Variants in ULK4 observed in about 807,000 individuals in gnomAD.
ULK4 encodes the protein unc-51 like kinase 4.
In ULK4, 133 loss-of-function variants were observed where a neutral mutation model predicts 160.6. That is an observed-to-expected ratio of 0.83 (90% CI 0.72 to 0.96). The LOEUF (loss-of-function observed/expected upper bound fraction) is 0.96, where lower values mean the gene tolerates loss of function less well. Among genes scored for constraint, ULK4 ranks in the 40% least tolerant of loss-of-function variants. The pLI, the probability that ULK4 is intolerant of heterozygous loss-of-function variation, is 0.00. For missense variants in ULK4, 1,580 were observed against 1,499.5 expected, an observed-to-expected ratio of 1.05 and a Z score of -0.89; for synonymous variants, 534 against 539.8, an observed-to-expected ratio of 0.99 and a Z score of 0.15.
At chr3:41,417,611 G>T (rs9853190) in intron 34 of ULK4, among the ~76,000 whole-genome samples, 1 of 151,938 alleles carries the variant, frequency 6.6e-6, no homozygotes, top group African/African-American at 2.4e-5. Context: ...GCAAACCCTG[G>T]GTGCCTGTTA....
chr3:41,745,897 T>C (rs1482128026), intron 22 of ULK4, among the ~76,000 whole-genome samples: 2 of 151,488 alleles, frequency 1.3e-5, no homozygotes, highest in African/African-American at 4.9e-5. Context: ...CATATTGTTA[T>C]ATTAATTGAT....
chr3:41,523,805 T>C (rs2086016741), intron 32 of ULK4, among the ~76,000 whole-genome samples: 1 of 152,142 alleles, frequency 6.6e-6, no homozygotes, highest in Admixed American at 6.5e-5. Flanking sequence ...AATGAAAACA[T>C]ATCAACACAA....
chr3:41,633,065 G>C (rs1365166149), intron 30 of ULK4, among the ~76,000 whole-genome samples: 1 of 152,192 alleles, frequency 6.6e-6, no homozygotes, highest in African/African-American at 2.4e-5. Flanking sequence ...GAAAGAGCAA[G>C]TTTATTACAT....
chr3:41,248,441 G>A (rs887424646), intron 36 of ULK4, among the ~76,000 whole-genome samples: 5 of 152,052 alleles, frequency 3.3e-5, no homozygotes, highest in Non-Finnish European at 7.4e-5. Context: ...CCATGAATAC[G>A]AACTTACTTC....
At chr3:41,907,556 C>T (rs1027459112) in intron 12 of ULK4, among the ~76,000 whole-genome samples, 5 of 152,104 alleles carry the variant, frequency 3.3e-5, no homozygotes, top group Admixed American at 2.0e-4. Context: ...GTCTCAGCCT[C>T]CCAAAGTGCA....
At chr3:41,328,431 G>A (rs900651476) in intron 35 of ULK4, among the ~76,000 whole-genome samples, 4 of 152,164 alleles carry the variant, frequency 2.6e-5, no homozygotes, top group Non-Finnish European at 5.9e-5. Context: ...AAAGAGACCA[G>A]AGGAGTGGAG....
chr3:41,639,139 C>T (rs756672449), intron 30 of ULK4, among the ~76,000 whole-genome samples: 2 of 152,250 alleles, frequency 1.3e-5, no homozygotes, highest in East Asian at 1.9e-4. Flanking sequence ...AATTAGGATA[C>T]GATCGGCTGA....
At chr3:41,444,792 G>A (rs1366275821) in intron 34 of ULK4, among the ~76,000 whole-genome samples, 1 of 152,078 alleles carries the variant, frequency 6.6e-6, no homozygotes, top group African/African-American at 2.4e-5. Flanking sequence ...AACCTGGCCA[G>A]TATGGTGAAA....
At chr3:41,789,481 C>T (rs1413751083) in intron 21 of ULK4, among the ~76,000 whole-genome samples, 180 bp downstream of exon 21, 1 of 152,170 alleles carries the variant, frequency 6.6e-6, no homozygotes, top group South Asian at 2.1e-4. Context: ...ATTTTAATCA[C>T]TAAAAGGCTC....
In ULK4 at chr3:41,598,503, G is replaced by A. The variant is rs75251758; in HGVS notation, c.3120+17166C>T. Among the ~76,000 whole-genome samples, 550 of 152,192 alleles carry A rather than the reference G, an allele frequency of 3.6e-3. 3 individuals are homozygous for A. In the East Asian group the frequency reaches 0.041, roughly 11 times the overall value. ...GAGCAAAATCAATCATTTTTACAAC[G>A]AAACCTAGAAATTGCCACAGTTATA... On this transcript the variant is annotated intron_variant, in intron 31 of 36. Coordinates refer to ENST00000301831, the MANE Select transcript of ULK4 (RefSeq NM_017886.4).
chr3:41,864,098 G>C (rs887399164), intron 17 of ULK4, among the ~76,000 whole-genome samples: 1 of 152,098 alleles, frequency 6.6e-6, no homozygotes, highest in Non-Finnish European at 1.5e-5. Flanking sequence ...TCAGTGGTAC[G>C]ATTTGCAGGA....
Position 41,636,185 on chromosome 3 carries a change from A to G in ULK4, c.3072-20468T>C, listed in dbSNP as rs545417033. On this transcript the variant is annotated intron_variant, in intron 30 of 36. Coordinates refer to ENST00000301831, the MANE Select transcript of ULK4 (RefSeq NM_017886.4). ...CACTTGGTGACAGTGAGGAGGAAAT[A>G]AGGTTGTGCCTGTGAAGCACCCAAC... 1.5e-4 allele frequency among the ~76,000 whole-genome samples: 23 copies of G among 152,338 alleles called. No individual in the cohort carries two copies. In the South Asian group the frequency reaches 4.8e-3, roughly 32 times the overall value.
At chr3:41,378,572 A>G (rs922148537) in intron 35 of ULK4, among the ~76,000 whole-genome samples, 1 of 151,652 alleles carries the variant, frequency 6.6e-6, no homozygotes, top group Non-Finnish European at 1.5e-5. Flanking sequence ...CATAGGTGGG[A>G]ACTGAACAAT....
At chr3:41,748,404 T>C (rs528880613) in intron 22 of ULK4, among the ~76,000 whole-genome samples, 4 of 152,074 alleles carry the variant, frequency 2.6e-5, no homozygotes, top group African/African-American at 9.7e-5. Flanking sequence ...GGTTTCTTAA[T>C]GGGATTTTGG....
chr3:41,866,812 T>C (rs1696903312), intron 17 of ULK4, among the ~76,000 whole-genome samples: 2 of 152,236 alleles, frequency 1.3e-5, no homozygotes, highest in South Asian at 2.1e-4. Context: ...CTAACAGATA[T>C]AGGGCTCCCC....
chr3:41,305,387 C>T (rs1364505567), intron 35 of ULK4, among the ~76,000 whole-genome samples: 1 of 152,226 alleles, frequency 6.6e-6, no homozygotes, highest in African/African-American at 2.4e-5. Context: ...CGAGCCGCCA[C>T]GCCTGACTGG....
At chr3:41,741,520 A>G (rs1045627428) in intron 22 of ULK4, among the ~76,000 whole-genome samples, 4 of 151,980 alleles carry the variant, frequency 2.6e-5, no homozygotes, top group African/African-American at 9.7e-5. Context: ...CCACTTAGAA[A>G]TAATGCTGCA....
At chr3:41,504,020 TC>T (rs142529355) in intron 32 of ULK4, among the ~76,000 whole-genome samples, 2,701 of 152,136 alleles carry the variant, frequency 0.018, 82 homozygotes, top group African/African-American at 0.063. Flanking sequence ...CAACAAAATC[TC>T]CCCATAGAAA....
At chr3:41,892,519 A>T (rs111508573) in intron 16 of ULK4, among the ~76,000 whole-genome samples, 1 of 152,220 alleles carries the variant, frequency 6.6e-6, no homozygotes, top group Non-Finnish European at 1.5e-5. Context: ...AGCCTTAAAA[A>T]GGAATGAAAT....
Sources: allele counts gnomAD v4.1 joint callset (sites outside exome capture counted in the v4.1 genomes callset), GRCh38; gene constraint gnomAD v4.1.1; transcripts MANE v1.5; gene names NCBI Gene and HGNC (gene_info 2026-07-23, HGNC 2026-07-21).